Variants in DENND1A observed in about 807,000 individuals in gnomAD.
DENND1A encodes the protein DENN domain-containing protein 1A.
DENND1A carries 51 observed loss-of-function variants against 113.7 expected under a neutral mutation model. That is an observed-to-expected ratio of 0.45 (90% CI 0.36 to 0.57). The LOEUF is 0.57. DENND1A is among the 20% of genes least tolerant of loss of function. DENND1A has a pLI of 0.00. For missense variants in DENND1A, 1,258 were observed against 1,395.9 expected, an observed-to-expected ratio of 0.90 and a Z score of 1.57; for synonymous variants, 565 against 570.8, an observed-to-expected ratio of 0.99 and a Z score of 0.14.
chr9:123,414,218 G>C (rs2131596354), intron 19 of DENND1A: 3 of 1,164,750 alleles, frequency 2.6e-6, no homozygotes, highest in African/African-American at 3.1e-5. Flanking sequence ...TGAAGTACAG[G>C]TAACAGCACT....
intron 5 of DENND1A, among the ~76,000 whole-genome samples, chr9:123,755,145 C>T (rs559717806): frequency 1.1e-4 from 15 of 139,728 alleles, no homozygotes; most frequent in Middle Eastern, 3.4e-3. Flanking sequence ...TTTTTTGAGA[C>T]AGAGTCTTGC....
At chr9:123,589,783 CTT>C (rs764643278) in intron 11 of DENND1A, among the ~76,000 whole-genome samples, 1 of 151,954 alleles carries the variant, frequency 6.6e-6, no homozygotes, top group Non-Finnish European at 1.5e-5. Context: ...CCTCTTTCTG[CTT>C]TGTCACAGAC....
At position 123,428,725 on chromosome 9, in the gene DENND1A, T is replaced by G. The variant is rs151094288; in HGVS notation, c.1488+11635A>C. Among the ~76,000 whole-genome samples, 372 of 152,288 alleles carry G rather than the reference T, an allele frequency of 2.4e-3. 1 individual carries two copies. The highest frequency in any genetic ancestry group is 8.5e-3 in the African/African-American group (352 of 41,560). ...AAAGTCTCAGGATACAAAATCAATG[T>G]GCAAAAATAGCTAGCATTCCTATAC... On this transcript the variant is annotated intron_variant, in intron 19 of 23. Transcript: ENST00000394215.
chr9:123,577,296 T>G (rs1257663960), intron 12 of DENND1A, among the ~76,000 whole-genome samples: 1 of 152,084 alleles, frequency 6.6e-6, no homozygotes, highest in African/African-American at 2.4e-5. Context: ...TCATTCTAGG[T>G]GTATTTGTTG....
intron 20 of DENND1A, among the ~76,000 whole-genome samples, chr9:123,410,656 T>TG (rs2044233201): frequency 6.6e-6 from 1 of 152,146 alleles, no homozygotes; most frequent in South Asian, 2.1e-4. Flanking sequence ...CAGTGGATGC[T>TG]GGGTGCATCT....
At chr9:123,727,998 C>T (rs955436579) in intron 5 of DENND1A, among the ~76,000 whole-genome samples, 9 of 151,484 alleles carry the variant, frequency 5.9e-5, no homozygotes, top group African/African-American at 1.9e-4. Flanking sequence ...CCCAGTTACT[C>T]GGGAGGCTGA....
At chr9:123,818,638 C>T (rs1325174289) in intron 2 of DENND1A, among the ~76,000 whole-genome samples, 1 of 150,984 alleles carries the variant, frequency 6.6e-6, no homozygotes, top group Non-Finnish European at 1.5e-5. Context: ...ATTTACATTT[C>T]GTACATACCT....
chr9:123,596,489 CAGA>C (rs2059697890), intron 11 of DENND1A, among the ~76,000 whole-genome samples: 2 of 152,146 alleles, frequency 1.3e-5, no homozygotes, highest in South Asian at 4.1e-4. Flanking sequence ...TCACATTTTA[CAGA>C]AGAACAACCT....
chr9:123,409,972 G>C (rs983149270), intron 20 of DENND1A, among the ~76,000 whole-genome samples: 2 of 152,128 alleles, frequency 1.3e-5, no homozygotes, highest in African/African-American at 2.4e-5. Context: ...GGCACCTGTT[G>C]TCCCAGCTAC....
chr9:123,865,125 G>A (rs772361842), intron 2 of DENND1A, among the ~76,000 whole-genome samples: 3 of 152,102 alleles, frequency 2.0e-5, no homozygotes, highest in East Asian at 1.9e-4. Context: ...AGCACCTTTC[G>A]CATTTATAAT....
In DENND1A at chr9:123,841,073, T is replaced by A. The variant is rs1278153659; in HGVS notation, c.88+37878A>T. ...ACTTAAATATATACGAGAGTTTGAC[T>A]TTCTGCAACCCATTTTGTGCTAAGT... On this transcript the variant is annotated intron_variant, in intron 2 of 23. Coordinates refer to ENST00000394215, the MANE Select transcript of DENND1A (RefSeq NM_001352964.2). Among the ~76,000 whole-genome samples, 3 of 152,190 alleles carry A rather than the reference T, an allele frequency of 2.0e-5. 1 individual carries two copies. The East Asian group carries it at 5.8e-4, about 29-fold the overall frequency.
intron 10 of DENND1A, among the ~76,000 whole-genome samples, chr9:123,620,859 AT>A (rs1052238157): frequency 4.7e-4 from 72 of 152,186 alleles, no homozygotes; most frequent in African/African-American, 1.5e-3. Context: ...TTAAAAAAAA[AT>A]ATCTCTATTC....
chr9:123,835,660 GAAAAAAAAAA>G (rs112937594), intron 2 of DENND1A, among the ~76,000 whole-genome samples: 2 of 111,474 alleles, frequency 1.8e-5, no homozygotes, highest in East Asian at 2.5e-4. Context: ...TGATTTCCAG[GAAAAAAAAAA>G]AAAAAAGAAA....
intron 5 of DENND1A, among the ~76,000 whole-genome samples, chr9:123,697,399 T>C (rs576526996): frequency 6.6e-6 from 1 of 152,348 alleles, no homozygotes; most frequent in South Asian, 2.1e-4. Flanking sequence ...CTATTTTTAT[T>C]TTTCCATAAG....
intron 8 of DENND1A, among the ~76,000 whole-genome samples, chr9:123,655,716 T>C (rs1184088560): frequency 6.6e-6 from 1 of 152,154 alleles, no homozygotes; most frequent in Admixed American, 6.5e-5. Flanking sequence ...GATCAGAGGA[T>C]AGAAGGGAGG....
intron 18 of DENND1A, among the ~76,000 whole-genome samples, chr9:123,449,650 T>C (rs941183263): frequency 1.3e-5 from 2 of 151,988 alleles, no homozygotes; most frequent in East Asian, 3.9e-4. Context: ...GTCCAGAAAT[T>C]CAATCTGGGG....
intron 13 of DENND1A, among the ~76,000 whole-genome samples, chr9:123,538,501 A>G (rs2135518187): frequency 6.6e-6 from 1 of 152,168 alleles, no homozygotes; most frequent in Middle Eastern, 3.4e-3. Flanking sequence ...GATGTACAAG[A>G]TAAGCCTGGA....
rs184098592 is a variant in DENND1A, at chr9:123,617,175, T to C, written c.720-7694A>G. Reference sequence around the variant, plus strand: ...TAGGGGAAAAAGTATTTAATGTCTTTCCTGGTTTCCAACCCAGCCCTCTCC... The same window carrying C: ...TAGGGGAAAAAGTATTTAATGTCTTCCCTGGTTTCCAACCCAGCCCTCTCC... On this transcript the variant is annotated intron_variant, in intron 10 of 23. Coordinates refer to ENST00000394215, the MANE Select transcript of DENND1A (RefSeq NM_001352964.2). 4.0e-3 allele frequency among the ~76,000 whole-genome samples: 604 copies of C among 152,332 alleles called. 4 individuals are homozygous for C. The highest frequency in any genetic ancestry group is 0.014 in the African/African-American group (566 of 41,574).
intron 13 of DENND1A, among the ~76,000 whole-genome samples, chr9:123,531,553 CTACA>C (rs1261748930): frequency 1.8e-5 from 1 of 56,892 alleles, no homozygotes; most frequent in African/African-American, 9.4e-5. Flanking sequence ...CCCTCTCTCT[CTACA>C]CACACACACA....
Sources: allele counts gnomAD v4.1 joint callset (sites outside exome capture counted in the v4.1 genomes callset), GRCh38; gene constraint gnomAD v4.1.1; transcripts MANE v1.5; gene names NCBI Gene and HGNC (gene_info 2026-07-23, HGNC 2026-07-21).